The following FLACC1 variants were observed in gnomAD, a reference collection of about 807,000 sequenced individuals.
The protein encoded by FLACC1 is flagellum associated containing coiled-coil domains 1.
Under a neutral mutation model 62.8 loss-of-function variants are expected in FLACC1, and 66 were observed. The ratio of observed to expected loss-of-function variants is 1.05; its 90% CI spans 0.86 to 1.29. The LOEUF is 1.29. Among genes scored for constraint, FLACC1 ranks in the 50% most tolerant of loss-of-function variants. The pLI, the probability that FLACC1 is intolerant of heterozygous loss-of-function variation, is 0.00. For missense variants in FLACC1, 452 were observed against 489.1 expected (o/e 0.92, Z 0.71); for synonymous variants, 156 against 161.0 (o/e 0.97, Z 0.24).
In FLACC1 at chr2:201,334,402, A is replaced by C. The variant is rs1163739860; in HGVS notation, c.525-3569T>G. 4.6e-5 allele frequency among the ~76,000 whole-genome samples: 7 copies of C among 152,272 alleles called. No homozygotes were observed. The East Asian group carries it at 1.3e-3, about 29-fold the overall frequency. On this transcript the variant is annotated intron_variant, in intron 7 of 14. Coordinates refer to ENST00000392257, the MANE Select transcript of FLACC1 (RefSeq NM_001127391.3). ...ATTTAATTAAGGATTTTTGTATCTAAGTTCATTTAAGGATTTTGGCCTGTA... is the reference window on the plus strand; with the variant it reads ...ATTTAATTAAGGATTTTTGTATCTACGTTCATTTAAGGATTTTGGCCTGTA...
rs957417384 is a variant in FLACC1 at position 201,321,391 on chromosome 2, A to C, written c.675+9079T>G. 6.6e-5 allele frequency among the ~76,000 whole-genome samples: 10 copies of C among 152,264 alleles called. No individual in the cohort carries two copies. In the South Asian group the frequency reaches 1.0e-3, roughly 16 times the overall value. On this transcript the variant is annotated intron_variant, in intron 9 of 14. Transcript: ENST00000392257. ...CCAGACAGCAGGACTTAAGAACCAG[A>C]TCTTTCTGCTAGTGGGAAGTTTCTT... is the stretch of plus-strand genomic sequence containing the variant.
At chr2:201,344,672 A>G (rs867601860) in intron 5 of FLACC1, among the ~76,000 whole-genome samples, 10 of 152,234 alleles carry the variant, frequency 6.6e-5, no homozygotes, top group African/African-American at 2.4e-4. Flanking sequence ...TGAACCACAG[A>G]CAAGGATTGG....
At chr2:201,336,225 G>A (rs1265487767) in intron 7 of FLACC1, among the ~76,000 whole-genome samples, 1 of 152,070 alleles carries the variant, frequency 6.6e-6, no homozygotes, top group Non-Finnish European at 1.5e-5. Flanking sequence ...TGTACACAAT[G>A]TTTAGCTCCC....
At chr2:201,360,795 G>A (rs7587758), upstream of FLACC1, among the ~76,000 whole-genome samples, 4,285 of 152,204 alleles carry the variant, frequency 0.028, 204 homozygotes, top group African/African-American at 0.097. Context: ...ACGTGGGCCC[G>A]GGCTGGGTGC....
At chr2:201,341,375 C>T (rs1472895705) in intron 7 of FLACC1, among the ~76,000 whole-genome samples, 1 of 140,884 alleles carries the variant, frequency 7.1e-6, no homozygotes, top group Non-Finnish European at 1.5e-5. Flanking sequence ...AGGTATACAA[C>T]ATGATGTCAT....
rs184496940 is a variant in FLACC1 at position 201,302,810 on chromosome 2, A to C, written c.880-3510T>G. ...ACAGCACAACTACATGGAAACTGAAAAACCTGCTCCTGAATGACTACTGGG... is the reference window on the plus strand; with the variant it reads ...ACAGCACAACTACATGGAAACTGAACAACCTGCTCCTGAATGACTACTGGG... On this transcript the variant is annotated intron_variant, in intron 11 of 14. Coordinates refer to ENST00000392257, the MANE Select transcript of FLACC1 (RefSeq NM_001127391.3). 8.9e-4 allele frequency among the ~76,000 whole-genome samples: 135 copies of C among 152,256 alleles called. 1 individual carries two copies. The highest frequency in any genetic ancestry group is 3.9e-3 in the South Asian group (19 of 4,826).
intron 7 of FLACC1, among the ~76,000 whole-genome samples, chr2:201,338,643 T>C (rs555112357): frequency 9.2e-5 from 14 of 152,322 alleles, no homozygotes; most frequent in Admixed American, 8.5e-4. Context: ...TATGAAATGC[T>C]TTTTCTGCAT....
At chr2:201,324,915 G>A (rs1180829359) in intron 9 of FLACC1, among the ~76,000 whole-genome samples, 1 of 152,098 alleles carries the variant, frequency 6.6e-6, no homozygotes, top group Non-Finnish European at 1.5e-5. Flanking sequence ...ATCACTTGAG[G>A]CCAGGAGTTT....
rs192131228 is a variant in FLACC1, at chr2:201,352,529, C to G, written c.-47-1078G>C. On this transcript the variant is annotated intron_variant, in intron 1 of 14. Coordinates refer to ENST00000392257, the MANE Select transcript of FLACC1 (RefSeq NM_001127391.3). ...GAGACAAGATTGCACAAGGGATGTC[C>G]GTACATGTTTGGCATAGTAACTAGG... Among the ~76,000 whole-genome samples the G allele has an allele frequency of 2.0e-5, 3 of 152,216 alleles. No homozygotes were observed. In the East Asian group the frequency reaches 5.8e-4, roughly 29 times the overall value.
intron 9 of FLACC1, among the ~76,000 whole-genome samples, chr2:201,325,254 G>A (rs1029896713): frequency 5.3e-5 from 8 of 152,006 alleles, no homozygotes; most frequent in African/African-American, 1.9e-4. Flanking sequence ...CACACTGCAA[G>A]GAACTGGAGA....
chr2:201,296,501 G>A (rs1035799309), intron 12 of FLACC1, among the ~76,000 whole-genome samples: 39 of 130,940 alleles, frequency 3.0e-4, no homozygotes, highest in Non-Finnish European at 4.0e-4. Flanking sequence ...ATCACACACC[G>A]GGGCCTGTTG....
At chr2:201,314,961 C>A (rs1383689326) in intron 9 of FLACC1, among the ~76,000 whole-genome samples, 1 of 152,116 alleles carries the variant, frequency 6.6e-6, no homozygotes, top group Non-Finnish European at 1.5e-5. Context: ...AGGAAAGATA[C>A]AGTCTTTTTC....
chr2:201,363,179 A>T, the FLACC1 span, among the ~76,000 whole-genome samples: 1 of 151,880 alleles, frequency 6.6e-6, no homozygotes, highest in Non-Finnish European at 1.5e-5. Context: ...ATTGTGGTAC[A>T]GCGTGGCTCT....
chr2:201,289,803 G>A lies in FLACC1; in HGVS notation c.943-18C>T. 4.3e-6 allele frequency: 7 copies of A among 1,614,182 alleles called. No individual in the cohort carries two copies. Among genetic ancestry groups the A allele is most frequent in the Non-Finnish European group, 5.9e-6 (7 of 1,180,026 alleles). Reference sequence around the variant, plus strand: ...TGCATGACCTGCATAAGAAGAAGCTGTTGCAGGACATCATGCCAATGTCTA... The same window carrying A: ...TGCATGACCTGCATAAGAAGAAGCTATTGCAGGACATCATGCCAATGTCTA... On this transcript the variant is annotated intron_variant, in intron 12 of 14. Coordinates refer to ENST00000392257, the MANE Select transcript of FLACC1 (RefSeq NM_001127391.3).
intron 11 of FLACC1, among the ~76,000 whole-genome samples, chr2:201,306,738 G>C (rs1305770428): frequency 6.6e-6 from 1 of 151,974 alleles, no homozygotes; most frequent in Non-Finnish European, 1.5e-5. Flanking sequence ...ATAAAATGAA[G>C]AGGCAAACCA....
At chr2:201,296,151 C>T (rs1416227531) in intron 12 of FLACC1, among the ~76,000 whole-genome samples, 1 of 152,184 alleles carries the variant, frequency 6.6e-6, no homozygotes. Flanking sequence ...GCCCAGCCAT[C>T]CCATTACTGG....
chr2:201,323,168 T>C (rs1191364746), intron 9 of FLACC1, among the ~76,000 whole-genome samples: 4 of 152,202 alleles, frequency 2.6e-5, no homozygotes, highest in Admixed American at 2.6e-4. Context: ...GAAAACTTAT[T>C]TCAGGGAATA....
intron 7 of FLACC1, among the ~76,000 whole-genome samples, chr2:201,341,092 TAATTTGATTG>T (rs141689510): frequency 0.011 from 1,624 of 152,312 alleles, 12 homozygotes; most frequent in Non-Finnish European, 0.016. Context: ...TCTTTGAGTT[TAATTTGATTG>T]AATTTGATTA....
chr2:201,316,608 C>T (rs1481034311), intron 9 of FLACC1, among the ~76,000 whole-genome samples: 1 of 152,148 alleles, frequency 6.6e-6, no homozygotes, highest in African/African-American at 2.4e-5. Flanking sequence ...GATGGATTCA[C>T]AGCAGAACTC....
Sources: allele counts gnomAD v4.1 joint callset (sites outside exome capture counted in the v4.1 genomes callset), GRCh38; gene constraint gnomAD v4.1.1; transcripts MANE v1.5; gene names NCBI Gene and HGNC (gene_info 2026-07-23, HGNC 2026-07-21).